Variants in VPS54 observed in about 807,000 individuals in gnomAD.
VPS54 encodes VPS54 subunit of GARP complex.
A neutral mutation model predicts 121.5 loss-of-function variants in VPS54; 45 were observed. The ratio of observed to expected loss-of-function variants is 0.37; its 90% confidence interval spans 0.29 to 0.47. The LOEUF (loss-of-function observed/expected upper bound fraction) is 0.47, where lower values mean the gene tolerates loss of function less well. Among genes scored for constraint, VPS54 ranks in the 20% least tolerant of loss-of-function variants. The pLI is 0.99. For synonymous variants in VPS54, 371 were observed against 385.8 expected (o/e 0.96, Z 0.45); for missense variants, 1,090 against 1,131.4 (o/e 0.96, Z 0.52).
At chr2:63,971,954 C>T (rs189302427) in intron 4 of VPS54, among the ~76,000 whole-genome samples, 243 of 152,180 alleles carry the variant, frequency 1.6e-3, no homozygotes, top group Non-Finnish European at 2.9e-3. Context: ...ACGAAGATAT[C>T]CAATCAATAT....
At chr2:63,900,095 C>G (rs996128161) in intron 20 of VPS54, among the ~76,000 whole-genome samples, 1 of 152,024 alleles carries the variant, frequency 6.6e-6, no homozygotes, top group East Asian at 1.9e-4. Context: ...TGGCAGGCAC[C>G]TGCAATCCCA....
intron 1 of VPS54, among the ~76,000 whole-genome samples, chr2:64,001,383 C>T (rs777640078): frequency 7.2e-5 from 11 of 152,162 alleles, no homozygotes; most frequent in Non-Finnish European, 1.3e-4. Context: ...CAAGGTGATA[C>T]CTAAGATACA....
At chr2:63,972,039 TAG>T (rs1487246636) in intron 4 of VPS54, 125 bp downstream of exon 4, 3 of 467,170 alleles carry the variant, frequency 6.4e-6, no homozygotes, top group African/African-American at 6.0e-5. Context: ...ATTATAATCA[TAG>T]GTTATAAAAA....
intron 11 of VPS54, among the ~76,000 whole-genome samples, chr2:63,941,820 G>A (rs1384135911): frequency 2.0e-5 from 3 of 152,002 alleles, no homozygotes; most frequent in African/African-American, 7.2e-5. Context: ...GATCACTTGA[G>A]GTCAGGAGTT....
chr2:63,974,957 A>C, intron 3 of VPS54: 2 of 1,541,464 alleles, frequency 1.3e-6, no homozygotes, highest in South Asian at 1.2e-5. Context: ...GACAATGTTA[A>C]AAGAAACAGT....
At chr2:63,946,276 C>G (rs1419611328) in intron 9 of VPS54, among the ~76,000 whole-genome samples, 2 of 151,952 alleles carry the variant, frequency 1.3e-5, no homozygotes, top group Non-Finnish European at 2.9e-5. Context: ...TCTATTTATC[C>G]TTTCTACTGG....
At chr2:63,915,506 T>C (rs764669473) in intron 16 of VPS54, among the ~76,000 whole-genome samples, 2 of 152,220 alleles carry the variant, frequency 1.3e-5, no homozygotes, top group African/African-American at 4.8e-5. Flanking sequence ...TCTTTTGTAA[T>C]TGTCTCTCAG....
intron 1 of VPS54, among the ~76,000 whole-genome samples, chr2:63,987,284 C>G (rs1412309825): frequency 6.6e-6 from 1 of 152,130 alleles, no homozygotes; most frequent in Non-Finnish European, 1.5e-5. Flanking sequence ...CCATGGATAT[C>G]TAGTTTTCCC....
chr2:63,989,329 G>A (rs915820338), intron 1 of VPS54, among the ~76,000 whole-genome samples: 2 of 152,042 alleles, frequency 1.3e-5, no homozygotes, highest in African/African-American at 4.8e-5. Context: ...CACTCTATTC[G>A]TATACTCCCT....
At chr2:63,944,564 T>C in intron 10 of VPS54, 36 bp downstream of exon 10, 1 of 1,550,048 alleles carries the variant, frequency 6.5e-7, no homozygotes, top group Non-Finnish European at 8.9e-7. Flanking sequence ...ATCTTTTCTC[T>C]GACTGATAAC....
chr2:63,961,705 AC>A (rs1200335499), intron 7 of VPS54, among the ~76,000 whole-genome samples: 1 of 152,186 alleles, frequency 6.6e-6, no homozygotes, highest in Non-Finnish European at 1.5e-5. Context: ...GGCTTTCAAC[AC>A]AAACTTAATT....
intron 3 of VPS54, among the ~76,000 whole-genome samples, chr2:63,979,625 A>G (rs2104608955): frequency 6.6e-6 from 1 of 152,250 alleles, no homozygotes; most frequent in South Asian, 2.1e-4. Context: ...CAGTGCTACA[A>G]ATTTCTCCCT....
intron 1 of VPS54, among the ~76,000 whole-genome samples, chr2:64,013,725 T>G (rs115353962): frequency 0.019 from 2,791 of 147,362 alleles, 64 homozygotes; most frequent in African/African-American, 0.048. Context: ...TATAGAGAGA[T>G]ATATATATAT....
intron 1 of VPS54, among the ~76,000 whole-genome samples, chr2:64,002,600 A>G (rs1374326143): frequency 6.6e-5 from 10 of 152,258 alleles, no homozygotes; most frequent in African/African-American, 2.4e-4. Context: ...TTACAGAAAA[A>G]AAATCCTAAG....
chr2:63,957,356 G>A (rs979154850), intron 7 of VPS54, among the ~76,000 whole-genome samples: 18 of 151,028 alleles, frequency 1.2e-4, no homozygotes, highest in African/African-American at 3.9e-4. Context: ...GCAGAAGAAT[G>A]GCGTGAATCC....
chr2:63,926,280 T>C (rs1211152137), intron 12 of VPS54, among the ~76,000 whole-genome samples: 1 of 152,226 alleles, frequency 6.6e-6, no homozygotes, highest in Admixed American at 6.5e-5. Flanking sequence ...AAATTTTACA[T>C]TGTTTAAGCT....
intron 1 of VPS54, among the ~76,000 whole-genome samples, chr2:63,988,287 T>C (rs1037044474): frequency 6.6e-6 from 1 of 152,226 alleles, no homozygotes; most frequent in African/African-American, 2.4e-5. Context: ...TTCTCCTTCA[T>C]TCTCTTGATA....
intron 8 of VPS54, among the ~76,000 whole-genome samples, chr2:63,948,414 GT>G (rs560700373): frequency 0.14 from 14,642 of 105,966 alleles, 703 homozygotes; most frequent in African/African-American, 0.31. Context: ...CACTTTTTCG[GT>G]TTTTTTTTTT....
chr2:63,907,537 AAAG>A (rs960202565), intron 20 of VPS54, among the ~76,000 whole-genome samples: 4 of 151,720 alleles, frequency 2.6e-5, no homozygotes, highest in Admixed American at 6.6e-5. Flanking sequence ...AAAAAAAAGA[AAAG>A]AAAAGATTTC....
Sources: gnomAD v4.1 joint callset for allele counts (sites outside exome capture counted in the v4.1 genomes callset) on GRCh38, gnomAD v4.1.1 for gene constraint, MANE v1.5 for transcripts, NCBI Gene and HGNC (gene_info 2026-07-23, HGNC 2026-07-21) for gene names.